The following SYNE2 variants were observed in gnomAD, a reference collection of about 807,000 sequenced individuals.
SYNE2 encodes the protein spectrin repeat containing nuclear envelope protein 2.
Under a neutral mutation model 856.3 loss-of-function variants are expected in SYNE2, and 431 were observed. The observed-to-expected ratio is 0.50, with a 90% CI of 0.47 to 0.55. The LOEUF (loss-of-function observed/expected upper bound fraction) is 0.55, where lower values mean the gene tolerates loss of function less well. Among genes scored for constraint, SYNE2 ranks in the 20% least tolerant of loss-of-function variants. SYNE2 has a pLI of 0.00. For synonymous variants in SYNE2, 2,923 were observed against 2,872.3 expected (o/e 1.02, Z -0.56); for missense variants, 8,129 against 8,023.2 (o/e 1.01, Z -0.50).
chr14:64,152,800 C>T, intron 85 of SYNE2, 84 bp downstream of exon 85: 2 of 1,526,724 alleles, frequency 1.3e-6, no homozygotes, highest in Non-Finnish European at 1.8e-6. Flanking sequence ...TCGTCCTTTA[C>T]TCATGGAGAC....
At chr14:63,814,497 A>T (rs1404454792) in intron 1 of SYNE2, among the ~76,000 whole-genome samples, 3 of 71,258 alleles carry the variant, frequency 4.2e-5, no homozygotes, top group Non-Finnish European at 6.2e-5. Context: ...ATATATATCC[A>T]TATATATAAT....
chr14:63,850,017 A>G (rs146274920), upstream of SYNE2, among the ~76,000 whole-genome samples: 6 of 152,086 alleles, frequency 3.9e-5, no homozygotes, highest in African/African-American at 1.4e-4. Flanking sequence ...GTTGAGCCCA[A>G]CGGATCATTT....
intron 2 of SYNE2, among the ~76,000 whole-genome samples, chr14:63,920,608 G>T (rs911765706): frequency 6.6e-6 from 1 of 151,346 alleles, no homozygotes; most frequent in African/African-American, 2.4e-5. Flanking sequence ...CCAGGCTTCA[G>T]TGTGGCGTCT....
chr14:64,065,695 A>G (rs750960831), intron 51 of SYNE2, 45 bp downstream of exon 51: 30 of 1,600,486 alleles, frequency 1.9e-5, no homozygotes, highest in Non-Finnish European at 6.8e-6. Flanking sequence ...CTAACATGTT[A>G]TTTAAATTGT....
chr14:63,863,918 G>A (rs761779253), intron 1 of SYNE2, among the ~76,000 whole-genome samples: 125 of 152,026 alleles, frequency 8.2e-4, no homozygotes, highest in Non-Finnish European at 1.5e-3. Flanking sequence ...TCCACCTCCC[G>A]GGTTCAAGCA....
chr14:64,052,433 T>A lies in SYNE2; in HGVS notation c.8520T>A (p.Phe2840Leu). The A allele has an allele frequency of 6.2e-7, 1 of 1,613,084 alleles. No homozygotes were observed. Among genetic ancestry groups the A allele is most frequent in the Non-Finnish European group, 8.5e-7 (1 of 1,179,666 alleles). The change falls in exon 48 of 116, where the codon TTT (phenylalanine) becomes TTA (leucine). Residue 2840 changes from phenylalanine (F) to leucine (L), a missense_variant. Physicochemically the swap from Phe to Leu is conservative, Grantham distance 22. Transcript: ENST00000555002. Reference protein sequence around the residue: ...EFKLEERSNFFAIIRKFQLMV... With the variant: ...EFKLEERSNFLAIIRKFQLMV... ...AGTTGGAAGAAAGAAGCAATTTTTTTGCTATAATAAGGAAGTTTCAACTTA... is the reference window on the plus strand; with the variant it reads ...AGTTGGAAGAAAGAAGCAATTTTTTAGCTATAATAAGGAAGTTTCAACTTA...
chr14:63,870,043 T>G (rs1355307002), intron 1 of SYNE2, among the ~76,000 whole-genome samples: 1 of 152,132 alleles, frequency 6.6e-6, no homozygotes, highest in Non-Finnish European at 1.5e-5. Flanking sequence ...TTCAAAACAT[T>G]ATTGCGAAAC....
At position 63,789,776 on chromosome 14, in the gene SYNE2, A is replaced by G. The variant is rs76147742; in HGVS notation, c.-305+27790A>G. 1.4e-3 allele frequency among the ~76,000 whole-genome samples: 200 copies of G among 145,796 alleles called. 1 individual carries two copies. Among genetic ancestry groups the G allele is most frequent in the Admixed American group, 4.6e-3 (66 of 14,332 alleles). On this transcript the variant is annotated intron_variant, in intron 1 of 23. Transcript: ENST00000674003. ...CTGGGCGACAGTGAGACTTGTCTCA[A>G]AAAAAAAAAAAGAAGAAGAAGTAGA...
At chr14:64,155,249 CGTG>C (rs2098276099) in intron 85 of SYNE2, among the ~76,000 whole-genome samples, 1 of 151,772 alleles carries the variant, frequency 6.6e-6, no homozygotes, top group Admixed American at 6.6e-5. Context: ...ATAAAGAAAA[CGTG>C]GTCTATCCAT....
intron 18 of SYNE2, among the ~76,000 whole-genome samples, chr14:63,985,699 A>G (rs889416643): frequency 2.0e-5 from 3 of 152,212 alleles, no homozygotes; most frequent in African/African-American, 2.4e-5. Flanking sequence ...AAAAATTTGC[A>G]AAGTGATATA....
At chr14:64,055,840 A>AAAAG in intron 48 of SYNE2, 104 bp from the exon 49 acceptor site, 1 of 467,936 alleles carries the variant, frequency 2.1e-6, no homozygotes. Context: ...AATAATAAAA[A>AAAAG]AAGACTCAGA....
rs753453370 is a variant in SYNE2 at position 64,025,439 on chromosome 14, A to C, written c.6252+18A>C. 2.5e-6 allele frequency: 4 copies of C among 1,607,498 alleles called. No individual in the cohort carries two copies. The highest frequency in any genetic ancestry group is 3.4e-6 in the Non-Finnish European group (4 of 1,179,336). On this transcript the variant is annotated intron_variant, in intron 41 of 115. Transcript: ENST00000555002. Reference sequence around the variant, plus strand: ...AAATCAAGGTATAACTATGGAAACTAAATTTCAGAAGTCTGAGTGAACTCT... The same window carrying C: ...AAATCAAGGTATAACTATGGAAACTCAATTTCAGAAGTCTGAGTGAACTCT...
intron 53 of SYNE2, chr14:64,075,570 AAAC>A (rs755539461): frequency 1.4e-4 from 36 of 249,600 alleles, no homozygotes; most frequent in Admixed American, 3.6e-4. Context: ...CAACACGTTA[AAAC>A]AACAACAAAA....
chr14:64,047,839 CATT>C (rs758532120), intron 45 of SYNE2, among the ~76,000 whole-genome samples, 158 bp from the exon 46 acceptor site: 7 of 152,112 alleles, frequency 4.6e-5, no homozygotes, highest in Non-Finnish European at 7.4e-5. Flanking sequence ...CCAACATAGG[CATT>C]ATTATATGGA....
In SYNE2 at chr14:64,081,537, A is replaced by G. The variant is rs780583186; in HGVS notation, c.11441A>G (p.Tyr3814Cys). 22 of 1,614,068 alleles carry G rather than the reference A, an allele frequency of 1.4e-5. No individual in the cohort carries two copies. The highest frequency in any genetic ancestry group is 1.2e-4 in the African/African-American group (9 of 74,934). The change falls in exon 57 of 116, where the codon TAT (tyrosine) becomes TGT (cysteine). Residue 3814 changes from tyrosine to cysteine, a missense_variant. Tyr to Cys is a radical substitution (Grantham distance 194, BLOSUM62 -2). This residue lies in a region of SYNE2 where 5,410 missense variants were observed against 5,284.8 expected (regional missense o/e 1.02). Coordinates refer to ENST00000555002, the MANE Select transcript of SYNE2 (RefSeq NM_182914.3). ...TSHLLANPAD[Y>C]DSLRTLSHHA... ...CATTTGCTGGCCAATCCTGCTGACT[A>G]TGACTCTTTGAGGACACTGAGTCAC...
chr14:64,090,847 C>A lies in SYNE2; in HGVS notation c.11794-19C>A, dbSNP rs766769623. On this transcript the variant is annotated intron_variant, in intron 59 of 115. Transcript: ENST00000555002. Reference sequence around the variant, plus strand: ...ATTGTCTTTTCATTTCTGTAACATGCTCCTCTTATATAATTAAGGTCATAC... The same window carrying A: ...ATTGTCTTTTCATTTCTGTAACATGATCCTCTTATATAATTAAGGTCATAC... 1 of 1,606,824 alleles carries A rather than the reference C, an allele frequency of 6.2e-7. No homozygotes were observed. The highest frequency in any genetic ancestry group is 8.5e-7 in the Non-Finnish European group (1 of 1,174,320).
At chr14:63,927,155 C>G (rs557465233) in intron 2 of SYNE2, among the ~76,000 whole-genome samples, 2 of 152,316 alleles carry the variant, frequency 1.3e-5, no homozygotes, top group Middle Eastern at 3.4e-3. Context: ...GAGAAACCAT[C>G]TAACAATCGA....
At chr14:63,930,413 A>G (rs926078326) in intron 2 of SYNE2, among the ~76,000 whole-genome samples, 1 of 152,080 alleles carries the variant, frequency 6.6e-6, no homozygotes, top group African/African-American at 2.4e-5. Flanking sequence ...AAAATTCTCC[A>G]AAGTGTAGTT....
intron 52 of SYNE2, among the ~76,000 whole-genome samples, chr14:64,072,758 C>T (rs1364967851): frequency 2.0e-5 from 3 of 152,206 alleles, no homozygotes; most frequent in Non-Finnish European, 4.4e-5. Context: ...GCCTCGGCCT[C>T]CCACAGTGCT....
Sources: gnomAD v4.1 joint callset for allele counts (sites outside exome capture counted in the v4.1 genomes callset) on GRCh38, gnomAD v4.1.1 for gene constraint, gnomAD v4.1.1 regional missense constraint, MANE v1.5 for transcripts, NCBI Gene and HGNC (gene_info 2026-07-23, HGNC 2026-07-21) for gene names.